The following THBS1 variants were observed in gnomAD, a reference collection of about 807,000 sequenced individuals.
The protein encoded by THBS1 is thrombospondin-1.
In THBS1, 29 loss-of-function variants were observed where a neutral mutation model predicts 126.1. The observed-to-expected ratio is 0.23, with a 90% CI of 0.17 to 0.31. The LOEUF (loss-of-function observed/expected upper bound fraction) is 0.31, where lower values mean the gene tolerates loss of function less well. Among genes scored for constraint, THBS1 ranks in the 10% least tolerant of loss-of-function variants. THBS1 has a pLI of 1.00. For synonymous variants in THBS1, 496 were observed against 577.8 expected, an observed-to-expected ratio of 0.86 and a Z score of 2.03; for missense variants, 1,198 against 1,545.2, an observed-to-expected ratio of 0.78 and a Z score of 3.77.
chr15:39,585,216 A>G (rs1268625547), intron 6 of THBS1, among the ~76,000 whole-genome samples: 1 of 152,234 alleles, frequency 6.6e-6, no homozygotes, highest in Non-Finnish European at 1.5e-5. Flanking sequence ...TTTGTACTGT[A>G]ACTTCCACCC....
intron 10 of THBS1, 102 bp downstream of exon 10, chr15:39,588,801 G>A (rs748279342): frequency 4.8e-5 from 75 of 1,561,138 alleles, no homozygotes; most frequent in Admixed American, 2.7e-4. Flanking sequence ...AGTCCTGAGC[G>A]ATTTGATTGC....
intron 3 of THBS1, 41 bp from the exon 4 acceptor site, chr15:39,583,576 C>G (rs755099892): frequency 3.3e-5 from 50 of 1,523,704 alleles, no homozygotes; most frequent in Non-Finnish European, 4.4e-5. Context: ...ATCCCCACCC[C>G]GCTCTGCATT....
At position 39,599,316 on chromosome 15, in the gene THBS1, C is replaced by G. The variant is rs1442091059; in HGVS notation, c.*3947C>G. 2 of 152,292 alleles carry G rather than the reference C, an allele frequency of 1.3e-5. No individual in the cohort carries two copies. Among genetic ancestry groups the G allele is most frequent in the Non-Finnish European group, 2.9e-5 (2 of 68,032 alleles). The allele number at this position is 152,292 out of a possible 1,614,324, so 9.4% of individuals were successfully genotyped here. On this transcript the variant is annotated 3_prime_UTR_variant, in exon 22 of 22. Transcript: ENST00000260356. ...GTTGACATGCTGTGAATGGTCCCAC[C>G]TCTTTTATGGCAGAATTCATTACTT...
chr15:39,585,521 A>G lies in THBS1; in HGVS notation c.1078A>G (p.Asn360Asp). The G allele has an allele frequency of 1.2e-6, 2 of 1,614,174 alleles. No individual in the cohort carries two copies. Among genetic ancestry groups the G allele is most frequent in the Non-Finnish European group, 1.7e-6 (2 of 1,180,032 alleles). Reference sequence around the variant, plus strand: ...GTCCTGCCCCATCATGCCCTGCTCCAATGCCACAGTTCCTGATGGAGAATG... The same window carrying G: ...GTCCTGCCCCATCATGCCCTGCTCCGATGCCACAGTTCCTGATGGAGAATG... Reference protein sequence around the residue: ...KVSCPIMPCSNATVPDGECCP... With the variant: ...KVSCPIMPCSDATVPDGECCP... Residue 360 changes from asparagine to aspartate, a missense_variant, in exon 7 of 22, where the codon AAT becomes GAT. Around this residue, in one of 4 missense-constraint regions of THBS1, gnomAD observed 663 missense variants for 860.1 expected, o/e 0.77. Coordinates refer to ENST00000260356, the MANE Select transcript of THBS1 (RefSeq NM_003246.4).
chr15:39,595,714 A>G lies in THBS1; in HGVS notation c.*345A>G, dbSNP rs531251812. The G allele has an allele frequency of 1.3e-3, 648 of 514,218 alleles. 2 individuals carry two copies. Among genetic ancestry groups the G allele is most frequent in the African/African-American group, 0.012 (609 of 52,636 alleles). The allele number at this position is 514,218 out of a possible 1,614,324, so 31.9% of individuals were successfully genotyped here. A position where few individuals can be genotyped will look rare whatever the true frequency, so the allele number is the denominator to read the frequency against. On this transcript the variant is annotated 3_prime_UTR_variant, in exon 22 of 22. Coordinates refer to ENST00000260356, the MANE Select transcript of THBS1 (RefSeq NM_003246.4). ...TGCTATTGTGAGGCCATCTCTGAGCAGTGGACTCAAAAGCATTTTCAGGCA... is the reference window on the plus strand; with the variant it reads ...TGCTATTGTGAGGCCATCTCTGAGCGGTGGACTCAAAAGCATTTTCAGGCA...
rs150110244 is a variant in THBS1 at position 39,591,617 on chromosome 15, G to C, written c.2526G>C (p.Pro842=). The part of the protein sequence containing the change: ...QCDNCPLEHN[P]DQLDSDSDRI... ...ACAATTGCCCCTTGGAACACAATCC[G>C]GATCAGGTAGGTGGATGGACTCCTT... The change falls in exon 16 of 22, where the codon CCG becomes CCC. Residue 842 remains proline, a synonymous_variant. Coordinates refer to ENST00000260356, the MANE Select transcript of THBS1 (RefSeq NM_003246.4). The C allele has an allele frequency of 6.2e-7, 1 of 1,613,622 alleles. No homozygotes were observed. Among genetic ancestry groups the C allele is most frequent in the Non-Finnish European group, 8.5e-7 (1 of 1,179,522 alleles).
In THBS1 at chr15:39,595,966, A is replaced by T. The variant is rs556876769; in HGVS notation, c.*597A>T. The T allele has an allele frequency of 1.9e-5, 8 of 421,680 alleles. No homozygotes were observed. The East Asian group carries it at 4.3e-4, about 23-fold the overall frequency. The allele number at this position is 421,680 out of a possible 1,614,324, so 26.1% of individuals were successfully genotyped here. On this transcript the variant is annotated 3_prime_UTR_variant, in exon 22 of 22. Coordinates refer to ENST00000260356, the MANE Select transcript of THBS1 (RefSeq NM_003246.4). Reference sequence around the variant, plus strand: ...GATGCTGACTGGCGTTAGCTGATTAACCCATGTAAATAGGCACTTAAATAG... The same window carrying T: ...GATGCTGACTGGCGTTAGCTGATTATCCCATGTAAATAGGCACTTAAATAG...
At position 39,595,468 on chromosome 15, in the gene THBS1, T is replaced by C; in HGVS notation, c.*99T>C. 7.0e-7 allele frequency: 1 copy of C among 1,429,218 alleles called. No homozygotes were observed. The highest frequency in any genetic ancestry group is 1.5e-5 in the South Asian group (1 of 64,974). 88.5% of individuals were successfully genotyped at this position (1,429,218 alleles called of 1,614,324 possible). On this transcript the variant is annotated 3_prime_UTR_variant, in exon 22 of 22. Coordinates refer to ENST00000260356, the MANE Select transcript of THBS1 (RefSeq NM_003246.4). ...GAAAACCCCCAGGATCACTTCTCCT[T>C]GGCTTCCTTCTTTTCTGTGCTTGCA... is the stretch of plus-strand genomic sequence containing the variant.
Position 39,587,348 on chromosome 15 carries a change from C to T in THBS1, c.1122C>T (p.Pro374=), listed in dbSNP as rs199952738. 114 of 1,610,610 alleles carry T rather than the reference C, an allele frequency of 7.1e-5. No individual in the cohort carries two copies. The highest frequency in any genetic ancestry group is 9.0e-5 in the Non-Finnish European group (106 of 1,177,838). ...GATGAACCTCTGTTTCCCCTGCAGC[C>T]AGCGACTCTGCGGACGATGGCTGGT... The part of the protein sequence containing the change: ...PDGECCPRCW[P]SDSADDGWSP... Residue 374 remains proline, a splice_region_variant and synonymous_variant, in exon 8 of 22, where the codon CCC becomes CCT. Transcript: ENST00000260356.
intron 4 of THBS1, 132 bp from the exon 5 acceptor site, chr15:39,583,856 A>G: frequency 8.4e-7 from 1 of 1,186,978 alleles, no homozygotes; most frequent in Non-Finnish European, 1.2e-6. Flanking sequence ...ACACACGTAT[A>G]CACACGTGCG....
At position 39,593,936 on chromosome 15, in the gene THBS1, C is replaced by T. The variant is rs1252458387; in HGVS notation, c.3268-163C>T. 5.7e-6 allele frequency: 5 copies of T among 880,602 alleles called. No individual in the cohort carries two copies. The highest frequency in any genetic ancestry group is 5.1e-5 in the African/African-American group (3 of 58,892). 54.5% of individuals were successfully genotyped at this position (880,602 alleles called of 1,614,324 possible). A position where few individuals can be genotyped will look rare whatever the true frequency, so the allele number is the denominator to read the frequency against. ...TCTCTGTCTGCTTTATATGTGTGCT[C>T]AGTGGCACACAACAAATATGAGAGG... is the stretch of plus-strand genomic sequence containing the variant. On this transcript the variant is annotated intron_variant, in intron 19 of 21. Transcript: ENST00000260356. This position sits in a 1 kb window ranked among gnomAD's most constrained non-coding sequence, Gnocchi z 5.9.
In THBS1 at chr15:39,584,431, C is replaced by T. The variant is rs1400209748; in HGVS notation, c.1026+9C>T. The T allele has an allele frequency of 6.2e-7, 1 of 1,613,812 alleles. No homozygotes were observed. Among genetic ancestry groups the T allele is most frequent in the Middle Eastern group, 1.7e-4 (1 of 6,030 alleles). On this transcript the variant is annotated intron_variant, in intron 6 of 21. Transcript: ENST00000260356. ...CTGAGTGTCACTGTCAGGTAAGGGACCTTCACCAGCCAGAATAAGAATCGA... is the reference window on the plus strand; with the variant it reads ...CTGAGTGTCACTGTCAGGTAAGGGATCTTCACCAGCCAGAATAAGAATCGA...
chr15:39,584,477 A>G (rs1890173730), intron 6 of THBS1, 55 bp downstream of exon 6: 5 of 1,604,530 alleles, frequency 3.1e-6, no homozygotes, highest in South Asian at 2.2e-5. Flanking sequence ...TTGAACCTAC[A>G]TCTTTGGGGA....
intron 21 of THBS1, among the ~76,000 whole-genome samples, chr15:39,595,158 G>A (rs946323928): frequency 1.7e-4 from 26 of 152,172 alleles, no homozygotes; most frequent in Admixed American, 5.9e-4. Flanking sequence ...TATATGTTCT[G>A]GAAGGTTCAC....
In THBS1 at chr15:39,582,326, C is replaced by G; in HGVS notation, c.201C>G (p.Ile67Met). 6.2e-7 allele frequency: 1 copy of G among 1,614,200 alleles called. No homozygotes were observed. Among genetic ancestry groups the G allele is most frequent in the Non-Finnish European group, 8.5e-7 (1 of 1,180,038 alleles). ...PAFRIEDANL[I>M]PPVPDDKFQD... ...TCCGCATCGAGGATGCCAACCTGAT[C>G]CCCCCTGTGCCTGATGACAAGTTCC... The change falls in exon 3 of 22, where the codon ATC becomes ATG. Residue 67 changes from isoleucine to methionine, a missense_variant. Ile to Met is a conservative substitution (Grantham distance 10). This residue lies in a region of THBS1 where 271 missense variants were observed against 277.0 expected (regional missense o/e 0.98). Transcript: ENST00000260356.
chr15:39,591,420 T>C, intron 15 of THBS1, 70 bp downstream of exon 15: 11 of 1,603,458 alleles, frequency 6.9e-6, no homozygotes, highest in Non-Finnish European at 9.4e-6. Flanking sequence ...CGTACTTCTG[T>C]CTAGTCCTGG....
At position 39,598,053 on chromosome 15, in the gene THBS1, C is replaced by T. The variant is rs946224214; in HGVS notation, c.*2684C>T. 2.6e-4 allele frequency: 39 copies of T among 152,134 alleles called. No homozygotes were observed. The highest frequency in any genetic ancestry group is 7.0e-4 in the African/African-American group (29 of 41,406). The allele number at this position is 152,134 out of a possible 1,614,324, so 9.4% of individuals were successfully genotyped here. The stretch of plus-strand genomic sequence containing the variant: ...AAAATTTGGAAGGAATCCATAAATG[C>T]GTGTGTGTCTAAATACAAATTATCA... On this transcript the variant is annotated 3_prime_UTR_variant, in exon 22 of 22. Coordinates refer to ENST00000260356, the MANE Select transcript of THBS1 (RefSeq NM_003246.4).
intron 14 of THBS1, 99 bp downstream of exon 14, chr15:39,590,722 T>C (rs1890310786): frequency 3.4e-6 from 3 of 876,834 alleles, no homozygotes; most frequent in South Asian, 1.5e-5. Flanking sequence ...GCAAAAAATA[T>C]ACCAAATCAA....
chr15:39,582,012 C>T (rs1890117222), intron 2 of THBS1, 88 bp downstream of exon 2: 2 of 1,435,772 alleles, frequency 1.4e-6, no homozygotes, highest in South Asian at 1.2e-5. Context: ...GCTGTCCTCT[C>T]CCTCTTGAGC....
Sources: allele counts gnomAD v4.1 joint callset (sites outside exome capture counted in the v4.1 genomes callset), GRCh38; gene constraint gnomAD v4.1.1; regional missense constraint gnomAD v4.1.1; non-coding constraint Gnocchi (gnomAD v3.1); transcripts MANE v1.5; gene names NCBI Gene and HGNC (gene_info 2026-07-23, HGNC 2026-07-21).